The following DYM variants were observed in gnomAD, a reference collection of about 807,000 sequenced individuals.
DYM encodes the protein dymeclin, also known as dyggve-Melchior-Clausen syndrome protein.
Under a neutral mutation model 93.1 loss-of-function variants are expected in DYM, and 78 were observed. That is an observed-to-expected ratio of 0.84 (90% CI 0.70 to 1.01). The LOEUF is 1.01. Ranked by LOEUF, DYM falls within the 50% of genes least tolerant of loss-of-function variation. DYM has a pLI of 0.00. For synonymous variants in DYM, 321 were observed against 319.7 expected (o/e 1.00, Z -0.04); for missense variants, 789 against 845.0 (o/e 0.93, Z 0.82).
At chr18:49,381,913 G>GAAAAAAAAAAAAAAA (rs148954978) in intron 3 of DYM, among the ~76,000 whole-genome samples, 1 of 134,042 alleles carries the variant, frequency 7.5e-6, no homozygotes, top group African/African-American at 2.7e-5. Context: ...AACTTTTTAA[G>GAAAAAAAAAAAAAAA]AAAAAAAAAA....
At chr18:49,388,904 A>C (rs2068893760) in intron 3 of DYM, among the ~76,000 whole-genome samples, 1 of 109,320 alleles carries the variant, frequency 9.1e-6, no homozygotes, top group African/African-American at 3.5e-5. Context: ...AAAATAGCAC[A>C]TTTTCAGACA....
At chr18:49,170,275 TG>T (rs1311082611) in intron 14 of DYM, among the ~76,000 whole-genome samples, 1 of 152,186 alleles carries the variant, frequency 6.6e-6, no homozygotes, top group Non-Finnish European at 1.5e-5. Flanking sequence ...CTAGCATTGC[TG>T]GCTCTAGAAT....
intron 17 of DYM, among the ~76,000 whole-genome samples, chr18:49,075,573 C>T (rs1264262085): frequency 6.6e-6 from 1 of 152,202 alleles, no homozygotes; most frequent in Non-Finnish European, 1.5e-5. Context: ...GGAAAATACA[C>T]ATTTCTGGAT....
chr18:49,431,208 A>G (rs753601897), intron 1 of DYM, among the ~76,000 whole-genome samples: 7 of 152,248 alleles, frequency 4.6e-5, no homozygotes, highest in Non-Finnish European at 7.3e-5. Context: ...ACCAACTTCA[A>G]GTGAAAGAGA....
At chr18:49,174,841 G>C (rs939325457) in intron 14 of DYM, among the ~76,000 whole-genome samples, 5 of 152,128 alleles carry the variant, frequency 3.3e-5, no homozygotes, top group African/African-American at 1.2e-4. Flanking sequence ...GAGACAGAGA[G>C]AGAGCGAGAA....
At chr18:49,089,962 G>T (rs577799144) in intron 17 of DYM, among the ~76,000 whole-genome samples, 1 of 152,292 alleles carries the variant, frequency 6.6e-6, no homozygotes, top group East Asian at 1.9e-4. Context: ...TTCTCAATAT[G>T]TAGAACTGGT....
chr18:49,119,002 T>G, intron 15 of DYM, 76 bp from the exon 16 acceptor site: 2 of 1,232,262 alleles, frequency 1.6e-6, no homozygotes, highest in Non-Finnish European at 2.4e-6. Flanking sequence ...ATAAGAGTAA[T>G]TCCCTCAAAA....
At chr18:49,154,434 G>A (rs948524962) in intron 15 of DYM, among the ~76,000 whole-genome samples, 5 of 151,894 alleles carry the variant, frequency 3.3e-5, no homozygotes, top group East Asian at 3.9e-4. Context: ...CGCTTTTGTC[G>A]CCCAGATTGG....
chr18:49,132,941 G>T (rs1475699740), intron 15 of DYM, among the ~76,000 whole-genome samples: 1 of 152,006 alleles, frequency 6.6e-6, no homozygotes, highest in African/African-American at 2.4e-5. Context: ...CAAACAACTC[G>T]CAAGAATAAT....
intron 9 of DYM, among the ~76,000 whole-genome samples, chr18:49,283,662 G>C (rs1650283505): frequency 6.6e-6 from 1 of 152,150 alleles, no homozygotes; most frequent in Non-Finnish European, 1.5e-5. Context: ...GTAGCACAAA[G>C]AGCTAATATT....
chr18:49,049,966 G>A (rs1258268403), intron 17 of DYM, among the ~76,000 whole-genome samples: 1 of 152,182 alleles, frequency 6.6e-6, no homozygotes, highest in East Asian at 1.9e-4. Flanking sequence ...AGAGAAGGCA[G>A]GTGCTGAAGA....
At chr18:49,450,301 T>C (rs2082416478) in intron 1 of DYM, among the ~76,000 whole-genome samples, 1 of 152,220 alleles carries the variant, frequency 6.6e-6, no homozygotes, top group Admixed American at 6.5e-5. Context: ...CCCATGGTCA[T>C]TGGTTAAGAT....
At chr18:49,214,902 C>G (rs1208454507) in intron 13 of DYM, among the ~76,000 whole-genome samples, 1 of 152,150 alleles carries the variant, frequency 6.6e-6, no homozygotes, top group Non-Finnish European at 1.5e-5. Context: ...GCACTGTGAT[C>G]TCAGAATCAC....
chr18:49,176,826 G>A (rs2089436651), intron 14 of DYM, among the ~76,000 whole-genome samples: 1 of 152,008 alleles, frequency 6.6e-6, no homozygotes, highest in East Asian at 1.9e-4. Context: ...CATATTTCAT[G>A]GACAATGGAT....
chr18:49,163,580 G>A, intron 15 of DYM, 105 bp downstream of exon 15: 3 of 734,928 alleles, frequency 4.1e-6, no homozygotes, highest in Non-Finnish European at 7.2e-6. Flanking sequence ...TCCCGACCAA[G>A]TGATCCATCT....
intron 8 of DYM, among the ~76,000 whole-genome samples, chr18:49,328,760 A>G (rs372851571): frequency 0.013 from 1,991 of 152,274 alleles, 22 homozygotes; most frequent in Non-Finnish European, 0.02. Flanking sequence ...TTAGAATGGC[A>G]ATCATTGAAA....
chr18:49,272,093 A>G (rs775149220), intron 11 of DYM, 85 bp downstream of exon 11: 43 of 1,251,384 alleles, frequency 3.4e-5, no homozygotes, highest in South Asian at 6.5e-5. Flanking sequence ...CATCTACCAG[A>G]AAGAAATGTA....
intron 14 of DYM, among the ~76,000 whole-genome samples, chr18:49,190,709 T>C (rs1409717582): frequency 6.6e-6 from 1 of 152,156 alleles, no homozygotes; most frequent in East Asian, 1.9e-4. Context: ...CAACACAGGG[T>C]TGAACTGTGC....
intron 8 of DYM, among the ~76,000 whole-genome samples, chr18:49,316,217 G>A (rs1271907201): frequency 1.3e-5 from 2 of 152,150 alleles, no homozygotes; most frequent in Non-Finnish European, 2.9e-5. Context: ...GGGAGGCGGA[G>A]GTTGCAGTGA....
Sources: gnomAD v4.1 joint callset for allele counts (sites outside exome capture counted in the v4.1 genomes callset) on GRCh38, gnomAD v4.1.1 for gene constraint, MANE v1.5 for transcripts, NCBI Gene and HGNC (gene_info 2026-07-23, HGNC 2026-07-21) for gene names.